GNB4: variants seen among roughly 807,000 people sequenced by gnomAD.
GNB4 encodes G protein subunit beta 4.
Under a neutral mutation model 45.2 loss-of-function variants are expected in GNB4, and 28 were observed. The ratio of observed to expected loss-of-function variants is 0.62; its 90% confidence interval spans 0.46 to 0.85. The LOEUF (loss-of-function observed/expected upper bound fraction) is 0.85, where lower values mean the gene tolerates loss of function less well. GNB4 is among the 40% of genes least tolerant of loss of function. GNB4 has a pLI of 0.00. For missense variants in GNB4, 321 were observed against 425.4 expected (o/e 0.75, Z 2.16); for synonymous variants, 132 against 143.7 (o/e 0.92, Z 0.58).
chr3:179,488,984 CAAAAAAAAAAAAAAAA>C, the GNB4 span, among the ~76,000 whole-genome samples: 96 of 18,662 alleles, frequency 5.1e-3, 1 homozygote, highest in Non-Finnish European at 4.6e-3. Context: ...ATCCTGTATC[CAAAAAAAAAAAAAAAA>C]AAAAAAAAAA....
chr3:179,493,093 A>AG, the GNB4 span, among the ~76,000 whole-genome samples: 1 of 152,228 alleles, frequency 6.6e-6, no homozygotes, highest in Non-Finnish European at 1.5e-5. Context: ...CACTGAAAAC[A>AG]GTCTATAAAG....
the GNB4 span, among the ~76,000 whole-genome samples, chr3:179,472,971 G>A: frequency 6.6e-6 from 1 of 152,172 alleles, no homozygotes; most frequent in African/African-American, 2.4e-5. Context: ...AGACCATCCT[G>A]GCTAACACAG....
At chr3:179,459,415 C>A in the GNB4 span, among the ~76,000 whole-genome samples, 5 of 151,892 alleles carry the variant, frequency 3.3e-5, no homozygotes, top group African/African-American at 9.7e-5. Context: ...GGGCGCAGTG[C>A]CTCACGCCTG....
At chr3:179,478,564 A>G in the GNB4 span, among the ~76,000 whole-genome samples, 1 of 151,564 alleles carries the variant, frequency 6.6e-6, no homozygotes, top group Non-Finnish European at 1.5e-5. Flanking sequence ...GTTTTTTGCA[A>G]TTAGGGCCTC....
chr3:179,459,647 A>G, the GNB4 span, among the ~76,000 whole-genome samples: 1 of 151,342 alleles, frequency 6.6e-6, no homozygotes, highest in African/African-American at 2.4e-5. Flanking sequence ...GTGCCATTGC[A>G]CTCCAGCCTG....
At chr3:179,456,614 G>A in the GNB4 span, among the ~76,000 whole-genome samples, 28 of 152,008 alleles carry the variant, frequency 1.8e-4, no homozygotes, top group Non-Finnish European at 3.2e-4. Flanking sequence ...GTGCAGTACT[G>A]TGATTTTGAA....
intron 8 of GNB4, among the ~76,000 whole-genome samples, chr3:179,413,093 G>C (rs780993558): frequency 6.6e-6 from 1 of 151,808 alleles, no homozygotes; most frequent in South Asian, 2.1e-4. Context: ...TGGGAGGATC[G>C]CTTGAGCCCA....
At chr3:179,408,157 C>T (rs1714532774) in intron 8 of GNB4, among the ~76,000 whole-genome samples, 1 of 151,846 alleles carries the variant, frequency 6.6e-6, no homozygotes, top group South Asian at 2.1e-4. Context: ...AATAAAAATT[C>T]ACCAGACATG....
the GNB4 span, among the ~76,000 whole-genome samples, chr3:179,515,127 C>G: frequency 6.6e-6 from 1 of 152,158 alleles, no homozygotes; most frequent in Admixed American, 6.5e-5. Flanking sequence ...GCAACCTGAG[C>G]GATTTCAGTA....
chr3:179,464,840 T>C, the GNB4 span: 1 of 1,334,430 alleles, frequency 7.5e-7, no homozygotes, highest in Non-Finnish European at 1.1e-6. Context: ...AGGGCGAATG[T>C]GTTTGGACCA....
the GNB4 span, among the ~76,000 whole-genome samples, chr3:179,488,194 G>C: frequency 1.3e-5 from 2 of 152,164 alleles, no homozygotes; most frequent in African/African-American, 4.8e-5. Context: ...ACCGACCATG[G>C]ACTGGTTCTG....
chr3:179,518,582 C>G, the GNB4 span, among the ~76,000 whole-genome samples: 1 of 152,088 alleles, frequency 6.6e-6, no homozygotes, highest in Non-Finnish European at 1.5e-5. Context: ...CCCTATAGTC[C>G]TTTTATCACC....
chr3:179,520,231 A>G, the GNB4 span, among the ~76,000 whole-genome samples: 4 of 145,970 alleles, frequency 2.7e-5, no homozygotes, highest in East Asian at 4.4e-4. Flanking sequence ...AAGGCTTCAC[A>G]GACAGCCCGC....
the GNB4 span, among the ~76,000 whole-genome samples, chr3:179,503,698 T>A: frequency 6.4e-4 from 98 of 152,340 alleles, no homozygotes; most frequent in East Asian, 0.018. Context: ...CAGTGTTATC[T>A]AGTGCCAGCA....
chr3:179,481,379 A>G, the GNB4 span, among the ~76,000 whole-genome samples: 2 of 152,056 alleles, frequency 1.3e-5, no homozygotes, highest in Non-Finnish European at 2.9e-5. Flanking sequence ...TTGTGATCAG[A>G]GCTCACTTCA....
At chr3:179,502,228 CTTTTTTTT>C in the GNB4 span, among the ~76,000 whole-genome samples, 1 of 73,464 alleles carries the variant, frequency 1.4e-5, no homozygotes, top group East Asian at 5.0e-4. Flanking sequence ...TTTTTCTTTT[CTTTTTTTT>C]TTTTTTTTTT....
At chr3:179,462,492 T>G in the GNB4 span, among the ~76,000 whole-genome samples, 2 of 152,204 alleles carry the variant, frequency 1.3e-5, no homozygotes, top group Admixed American at 1.3e-4. Context: ...ATGAGCTGTG[T>G]GACTTCAGAT....
chr3:179,439,044 C>T lies in GNB4; in HGVS notation c.-43+12302G>A, dbSNP rs188500361. Among the ~76,000 whole-genome samples the T allele has an allele frequency of 1.5e-3, 227 of 152,270 alleles. 1 individual carries two copies. Among genetic ancestry groups the T allele is most frequent in the Admixed American group, 3.5e-3 (54 of 15,298 alleles). The stretch of plus-strand genomic sequence containing the variant: ...GTGGGGACCAGCAGCATCAGCATCA[C>T]GTAGAAACCTGTTAGAAATGCAAAT... On this transcript the variant is annotated intron_variant, in intron 1 of 9. Coordinates refer to ENST00000232564, the MANE Select transcript of GNB4 (RefSeq NM_021629.4).
the GNB4 span, among the ~76,000 whole-genome samples, chr3:179,481,490 A>T: frequency 6.6e-6 from 1 of 152,002 alleles, no homozygotes; most frequent in South Asian, 2.1e-4. Context: ...CTTCTTTTAT[A>T]AAAAACTTTT....
Sources: allele counts gnomAD v4.1 joint callset (sites outside exome capture counted in the v4.1 genomes callset), GRCh38; gene constraint gnomAD v4.1.1; transcripts MANE v1.5; gene names NCBI Gene and HGNC (gene_info 2026-07-23, HGNC 2026-07-21).